ATP8B4: variants seen among roughly 807,000 people sequenced by gnomAD.
The protein encoded by ATP8B4 is ATPase phospholipid transporting 8B4 (putative).
In ATP8B4, 133 loss-of-function variants were observed where a neutral mutation model predicts 145.6. The ratio of observed to expected loss-of-function variants is 0.91; its 90% confidence interval spans 0.79 to 1.05. The LOEUF (loss-of-function observed/expected upper bound fraction) is 1.05, where lower values mean the gene tolerates loss of function less well. Among genes scored for constraint, ATP8B4 ranks in the 50% least tolerant of loss-of-function variants. ATP8B4 has a pLI of 0.00. For missense variants in ATP8B4, 1,458 were observed against 1,425.2 expected (o/e 1.02, Z -0.37); for synonymous variants, 507 against 492.9 (o/e 1.03, Z -0.38).
At chr15:50,142,035 G>T (rs1253423906) in intron 1 of ATP8B4, among the ~76,000 whole-genome samples, 1 of 152,168 alleles carries the variant, frequency 6.6e-6, no homozygotes, top group Non-Finnish European at 1.5e-5. Flanking sequence ...TGTAAAAACT[G>T]AGGTAGGGAA....
intron 27 of ATP8B4, 92 bp from the exon 28 acceptor site, chr15:49,860,567 T>C (rs573266077): frequency 3.0e-5 from 42 of 1,385,494 alleles, no homozygotes; most frequent in Non-Finnish European, 4.0e-5. Context: ...CTTTTTTTTT[T>C]ATAAGTAAAA....
intron 23 of ATP8B4, chr15:49,896,743 T>C (rs1318175743): frequency 6.6e-6 from 1 of 152,292 alleles, no homozygotes; most frequent in Admixed American, 6.5e-5. Context: ...TATCCTTTAA[T>C]GTATAAGAAG....
chr15:50,080,915 C>T (rs1228503985), intron 2 of ATP8B4, among the ~76,000 whole-genome samples: 1 of 152,052 alleles, frequency 6.6e-6, no homozygotes, highest in Non-Finnish European at 1.5e-5. Context: ...AGATCGAGAC[C>T]ATCCTGGCTA....
intron 1 of ATP8B4, among the ~76,000 whole-genome samples, chr15:50,165,969 G>GC (rs2044591331): frequency 7.8e-5 from 3 of 38,354 alleles, no homozygotes; most frequent in Non-Finnish European, 1.6e-4. Context: ...GAATCCCAGA[G>GC]AACACACACA....
At chr15:50,116,435 G>GA (rs944755743) in intron 1 of ATP8B4, among the ~76,000 whole-genome samples, 4 of 152,046 alleles carry the variant, frequency 2.6e-5, no homozygotes, top group East Asian at 1.9e-4. Context: ...GAATTGGGAT[G>GA]AAAAAATAAT....
At chr15:49,881,286 A>T (rs2035374012) in intron 23 of ATP8B4, among the ~76,000 whole-genome samples, 1 of 152,240 alleles carries the variant, frequency 6.6e-6, no homozygotes, top group South Asian at 2.1e-4. Context: ...TAATCTCAAG[A>T]GCATAAATAG....
chr15:49,960,904 G>A (rs902814625), intron 14 of ATP8B4, among the ~76,000 whole-genome samples: 26 of 152,206 alleles, frequency 1.7e-4, no homozygotes, highest in African/African-American at 5.1e-4. Flanking sequence ...AGGCTGAGGC[G>A]GGTGGATCAC....
chr15:50,041,903 G>GCAC lies in ATP8B4; in HGVS notation c.300+2688_300+2690dup, dbSNP rs1341291909. Among the ~76,000 whole-genome samples the GCAC allele has an allele frequency of 2.6e-5, 4 of 152,170 alleles. No homozygotes were observed. In the East Asian group the frequency reaches 7.7e-4, roughly 29 times the overall value. On this transcript the variant is annotated intron_variant, in intron 5 of 27. Coordinates refer to ENST00000284509, the MANE Select transcript of ATP8B4 (RefSeq NM_024837.4). ...TGCAGTGAGCCAAGATTGCGCCACT[G>GCAC]CACTCCAGCTTGGGTGACAGAGCAA...
intron 2 of ATP8B4, among the ~76,000 whole-genome samples, chr15:50,077,556 T>C (rs1008593080): frequency 1.3e-5 from 2 of 152,092 alleles, no homozygotes; most frequent in Middle Eastern, 3.2e-3. Context: ...AATATGAAGA[T>C]TGAGAGTATG....
At chr15:50,043,919 G>T (rs1387026268) in intron 5 of ATP8B4, among the ~76,000 whole-genome samples, 1 of 148,352 alleles carries the variant, frequency 6.7e-6, no homozygotes, top group African/African-American at 2.5e-5. Flanking sequence ...CGCCACTGCA[G>T]TCCGCAGTCC....
rs758664132 is a variant in ATP8B4, at chr15:49,931,194, A to G, written c.1567T>C (p.Leu523=). 7.6e-5 allele frequency: 122 copies of G among 1,612,626 alleles called. No individual in the cohort carries two copies. The highest frequency in any genetic ancestry group is 1.8e-4 in the East Asian group (8 of 44,862). The change falls in exon 16 of 28, where the codon TTG becomes CTG. Residue 523 remains leucine (L), a synonymous_variant. Coordinates refer to ENST00000284509, the MANE Select transcript of ATP8B4 (RefSeq NM_024837.4). ...AATTGATAAGTAACTAGTGTTCCCA[A>G]TTCTTCTATTGTTATGGTCTCTGGG... ...RTPETITIEE[L]GTLVTYQLLA...
intron 1 of ATP8B4, among the ~76,000 whole-genome samples, chr15:50,115,240 G>A (rs1158194484): frequency 6.6e-6 from 1 of 152,124 alleles, no homozygotes; most frequent in Non-Finnish European, 1.5e-5. Flanking sequence ...GGAGGCTAAA[G>A]TGGGAGGACC....
chr15:49,882,126 G>C (rs180992797), intron 23 of ATP8B4, among the ~76,000 whole-genome samples: 1 of 151,904 alleles, frequency 6.6e-6, no homozygotes, highest in African/African-American at 2.4e-5. Context: ...CTCTACCCTC[G>C]ATAGGCACTG....
chr15:49,897,933 AC>A, intron 22 of ATP8B4, 134 bp downstream of exon 22: 2 of 977,266 alleles, frequency 2.0e-6, no homozygotes, highest in Admixed American at 2.5e-5. Context: ...GTAGCATTGG[AC>A]CCAGAAGTAT....
At chr15:50,042,878 G>A (rs188821765) in intron 5 of ATP8B4, among the ~76,000 whole-genome samples, 174 of 152,238 alleles carry the variant, frequency 1.1e-3, no homozygotes, top group African/African-American at 3.9e-3. Flanking sequence ...AAAGTAGGGA[G>A]AGAAAAATAG....
intron 23 of ATP8B4, among the ~76,000 whole-genome samples, chr15:49,886,905 G>A (rs1270587000): frequency 6.6e-6 from 1 of 152,042 alleles, no homozygotes; most frequent in African/African-American, 2.4e-5. Context: ...TGCCCCCTGG[G>A]TTCAAGCGAT....
intron 2 of ATP8B4, among the ~76,000 whole-genome samples, chr15:50,076,536 T>G (rs2054189338): frequency 6.6e-6 from 1 of 151,964 alleles, no homozygotes; most frequent in Admixed American, 6.6e-5. Context: ...CTGTCCAGCA[T>G]CTCCATGTAA....
intron 3 of ATP8B4, among the ~76,000 whole-genome samples, chr15:50,055,819 G>A (rs1023885110): frequency 1.3e-4 from 20 of 152,136 alleles, no homozygotes; most frequent in Admixed American, 7.2e-4. Context: ...CATTTGTACC[G>A]CTCAGAAAAT....
At chr15:50,151,294 C>T (rs1267352152) in intron 1 of ATP8B4, among the ~76,000 whole-genome samples, 2 of 152,132 alleles carry the variant, frequency 1.3e-5, no homozygotes, top group Non-Finnish European at 2.9e-5. Flanking sequence ...TTTTTCTATA[C>T]ATATTAATCA....
Sources: gnomAD v4.1 joint callset for allele counts (sites outside exome capture counted in the v4.1 genomes callset) on GRCh38, gnomAD v4.1.1 for gene constraint, MANE v1.5 for transcripts, NCBI Gene and HGNC (gene_info 2026-07-23, HGNC 2026-07-21) for gene names.